IPO4: variants seen among roughly 807,000 people sequenced by gnomAD.
IPO4 encodes importin-4.
Under a neutral mutation model 133.5 loss-of-function variants are expected in IPO4, and 91 were observed. The ratio of observed to expected loss-of-function variants is 0.68; its 90% CI spans 0.58 to 0.81. IPO4 has a LOEUF of 0.81. Ranked by LOEUF, IPO4 falls within the 30% of genes least tolerant of loss-of-function variation. The probability of loss-of-function intolerance (pLI) is 0.00; values close to 1 mark genes in which losing one functional copy is unlikely to be tolerated. For missense variants in IPO4, 1,279 were observed against 1,386.2 expected, an observed-to-expected ratio of 0.92 and a Z score of 1.23; for synonymous variants, 607 against 581.6, an observed-to-expected ratio of 1.04 and a Z score of -0.63.
intron 24 of IPO4, 32 bp downstream of exon 24, chr14:24,182,760 G>A (rs185776990): frequency 5.2e-5 from 84 of 1,611,854 alleles, no homozygotes; most frequent in African/African-American, 6.7e-5. Context: ...TGCCTGGACC[G>A]CCTGGTCCCC....
In IPO4 at chr14:24,188,556, G is replaced by A; in HGVS notation, c.152C>T (p.Pro51Leu). Residue 51 changes from proline to leucine, a missense_variant, in exon 2 of 30, where the codon CCC (proline) becomes CTC (leucine). Around this residue, in one of 3 missense-constraint regions of IPO4, gnomAD observed 695 missense variants for 704.1 expected, o/e 0.99. Transcript: ENST00000354464. Reference sequence around the variant, plus strand: ...GGGGAGAGTCAGGGGTCTCACCTGGGGGTCGGCCGCCGAGGCTAGCAGGTC... The same window carrying A: ...GGGGAGAGTCAGGGGTCTCACCTGGAGGTCGGCCGCCGAGGCTAGCAGGTC... The part of the protein sequence containing the change: ...LCDLLASAAD[P>L]QIRQFAAVLT... 6.2e-7 allele frequency: 1 copy of A among 1,612,254 alleles called. No individual in the cohort carries two copies. Among genetic ancestry groups the A allele is most frequent in the Non-Finnish European group, 8.5e-7 (1 of 1,179,306 alleles).
chr14:24,181,892 C>A (rs1392932922), intron 26 of IPO4, 49 bp from the exon 27 acceptor site: 3 of 1,604,618 alleles, frequency 1.9e-6, no homozygotes, highest in Non-Finnish European at 1.7e-6. Context: ...ACCTTGCCCA[C>A]CTGCAAGCCC....
At chr14:24,180,889 C>A in intron 28 of IPO4, 131 bp from the exon 29 acceptor site, 3 of 659,292 alleles carry the variant, frequency 4.6e-6, no homozygotes, top group Non-Finnish European at 7.7e-6. Flanking sequence ...CACAGGCATC[C>A]AAGACAACTA....
At chr14:24,183,428 C>A (rs1454375322) in intron 21 of IPO4, 28 bp downstream of exon 21, 1 of 1,600,534 alleles carries the variant, frequency 6.2e-7, no homozygotes, top group South Asian at 1.1e-5. Flanking sequence ...CTGAGAACCC[C>A]ACCCACTCCA....
chr14:24,188,189 TC>T, intron 4 of IPO4, 26 bp downstream of exon 4: 1 of 1,609,398 alleles, frequency 6.2e-7, no homozygotes, highest in Non-Finnish European at 8.5e-7. Context: ...GTCGTCAAGA[TC>T]CCGAGAGAAG....
At chr14:24,188,175 C>CA (rs1314713272) in intron 4 of IPO4, 41 bp downstream of exon 4, 1 of 1,601,112 alleles carries the variant, frequency 6.2e-7, no homozygotes, top group African/African-American at 1.3e-5. Flanking sequence ...GAAACCTAGA[C>CA]AAAGTCGTCA....
chr14:24,187,467 G>A lies in IPO4; in HGVS notation c.521C>T (p.Pro174Leu), dbSNP rs1210369334. 1 of 1,614,174 alleles carries A rather than the reference G, an allele frequency of 6.2e-7. No individual in the cohort carries two copies. Among genetic ancestry groups the A allele is most frequent in the South Asian group, 1.1e-5 (1 of 91,084 alleles). ...LNETLGEVGS[P>L]GLLFYSLRTL... ...GCGCAGGGAGTAGAAGAGCAGCCCA[G>A]GAGAGCCCACCTCACCAAGAGTCTC... Residue 174 changes from proline (P) to leucine (L), a missense_variant, in exon 6 of 30, where the codon CCT becomes CTT. Physicochemically the swap from Pro to Leu is moderately conservative, Grantham distance 98. This residue lies in a region of IPO4 where 695 missense variants were observed against 704.1 expected (regional missense o/e 0.99). Transcript: ENST00000354464.
At position 24,184,883 on chromosome 14, in the gene IPO4, G is replaced by A. The variant is rs749101940; in HGVS notation, c.1506C>T (p.Ser502=). ...SSPRAKELAV[S]ALGAIATAAQ... ...TCTCCTCACCAATGGCTCCCAGGGC[G>A]CTCACAGCCAGCTCCTTGGCCCGGG... The change falls in exon 15 of 30, where the codon AGC becomes AGT. Residue 502 remains serine (S), a synonymous_variant. Transcript: ENST00000354464. 54 of 1,613,718 alleles carry A rather than the reference G, an allele frequency of 3.3e-5. No homozygotes were observed. Among genetic ancestry groups the A allele is most frequent in the South Asian group, 1.9e-4 (17 of 91,068 alleles).
intron 24 of IPO4, 152 bp from the exon 25 acceptor site, chr14:24,182,555 C>CT: frequency 8.7e-7 from 1 of 1,144,148 alleles, no homozygotes; most frequent in Non-Finnish European, 1.2e-6. Flanking sequence ...CATGACCCAG[C>CT]TTCTTCCCCT....
At chr14:24,187,225 G>C in intron 6 of IPO4, 75 bp from the exon 7 acceptor site, 2 of 1,543,158 alleles carry the variant, frequency 1.3e-6, no homozygotes, top group Non-Finnish European at 1.8e-6. Flanking sequence ...CTCACAGCCT[G>C]AATTGCGAGG....
Position 24,180,281 on chromosome 14 carries a change from A to G in IPO4, c.*161T>C. 6.5e-7 allele frequency: 1 copy of G among 1,528,396 alleles called. No homozygotes were observed. 94.7% of individuals were successfully genotyped at this position (1,528,396 alleles called of 1,614,324 possible). ...TATGATGTCATGACTCATTTGTAAC[A>G]GATCCAGCCTCAGGGACAGCCCTGT... On this transcript the variant is annotated 3_prime_UTR_variant, in exon 30 of 30. Transcript: ENST00000354464.
chr14:24,181,581 C>T lies in IPO4; in HGVS notation c.2977G>A (p.Glu993Lys). Residue 993 changes from glutamate (E) to lysine (K), a missense_variant, in exon 28 of 30, where the codon GAG becomes AAG. Around this residue, in one of 3 missense-constraint regions of IPO4, gnomAD observed 575 missense variants for 653.4 expected, o/e 0.88. Coordinates refer to ENST00000354464, the MANE Select transcript of IPO4 (RefSeq NM_024658.4). Reference protein sequence around the residue: ...AALLHALPLKEDLEEWVTIGR... With the variant: ...AALLHALPLKKDLEEWVTIGR... ...ATGGTGACCCACTCCTCCAAGTCCTCCTTCAGTGGCAGGGCATGCAGTAGG... is the reference window on the plus strand; with the variant it reads ...ATGGTGACCCACTCCTCCAAGTCCTTCTTCAGTGGCAGGGCATGCAGTAGG... 1 of 1,612,958 alleles carries T rather than the reference C, an allele frequency of 6.2e-7. No individual in the cohort carries two copies. The highest frequency in any genetic ancestry group is 8.5e-7 in the Non-Finnish European group (1 of 1,179,506).
rs764978560 is a variant in IPO4 at position 24,182,087 on chromosome 14, G to C, written c.2675C>G (p.Ala892Gly). 1 of 1,613,986 alleles carries C rather than the reference G, an allele frequency of 6.2e-7. No homozygotes were observed. Among genetic ancestry groups the C allele is most frequent in the South Asian group, 1.1e-5 (1 of 91,092 alleles). The change falls in exon 26 of 30, where the codon GCC becomes GGC. Residue 892 changes from alanine (A) to glycine (G), a missense_variant. Transcript: ENST00000354464. ...CAGCCGAGACACAAACTGGGCTGAGGCAGCACCCAGGCCCTGAATAGTCTC... is the reference window on the plus strand; with the variant it reads ...CAGCCGAGACACAAACTGGGCTGAGCCAGCACCCAGGCCCTGAATAGTCTC... Reference protein sequence around the residue: ...LAETIQGLGAASAQFVSRLLP... With the variant: ...LAETIQGLGAGSAQFVSRLLP...
chr14:24,184,030 G>A lies in IPO4; in HGVS notation c.1837C>T (p.Leu613=). Residue 613 remains leucine, a synonymous_variant, in exon 18 of 30, where the codon CTG becomes TTG. Transcript: ENST00000354464. ...PHLEQITTLM[L]LSLRSTEGIV... is the part of the protein sequence containing the mutation. ...CCCTCGGTGGAACGCAGTGACAGCA[G>A]CATGAGCGTGGTGATCTGTTCCAAG... 6 of 1,451,508 alleles carry A rather than the reference G, an allele frequency of 4.1e-6. No individual in the cohort carries two copies. Among genetic ancestry groups the A allele is most frequent in the Non-Finnish European group, 5.5e-6 (6 of 1,082,034 alleles). The allele number at this position is 1,451,508 out of a possible 1,614,324, so 89.9% of individuals were successfully genotyped here.
Position 24,186,914 on chromosome 14 carries a change from G to A in IPO4, c.720C>T (p.Thr240=), listed in dbSNP as rs750919905. ...ATGTGAGGACTTCAGAGAGGTAGGGGGTGATGACCGGCACCTCTGACTCCA... is the reference window on the plus strand; with the variant it reads ...ATGTGAGGACTTCAGAGAGGTAGGGAGTGATGACCGGCACCTCTGACTCCA... The part of the protein sequence containing the change: ...ELLESEVPVI[T]PYLSEVLTFC... The change falls in exon 8 of 30, where the codon ACC becomes ACT. Residue 240 remains threonine, a synonymous_variant. Transcript: ENST00000354464. The A allele has an allele frequency of 9.3e-6, 15 of 1,613,952 alleles. No homozygotes were observed. The highest frequency in any genetic ancestry group is 1.3e-5 in the Non-Finnish European group (15 of 1,179,998).
chr14:24,185,866 C>T lies in IPO4; in HGVS notation c.1164G>A (p.Arg388=). 1.2e-6 allele frequency: 2 copies of T among 1,612,940 alleles called. No individual in the cohort carries two copies. Among genetic ancestry groups the T allele is most frequent in the East Asian group, 2.2e-5 (1 of 44,888 alleles). ...TGGGACAGGGGAATACATACCTCTG[C>T]CTGATGTGGTCGCCAGCTCCGTCAG... ...VLSDGAGDHI[R]QRLLPPLLQI... The change falls in exon 12 of 30, where the codon AGG becomes AGA. Residue 388 remains arginine (R), a synonymous_variant. Transcript: ENST00000354464.
At chr14:24,188,136 G>C (rs2039252713) in intron 4 of IPO4, 80 bp downstream of exon 4, 6 of 1,444,690 alleles carry the variant, frequency 4.2e-6, no homozygotes, top group African/African-American at 1.4e-5. Flanking sequence ...TGCCCCACAA[G>C]TCCCAGCCTG....
intron 20 of IPO4, 35 bp from the exon 21 acceptor site, chr14:24,183,548 C>T (rs764460349): frequency 6.2e-7 from 1 of 1,614,112 alleles, no homozygotes; most frequent in Non-Finnish European, 8.5e-7. Context: ...GTAAGGGGCC[C>T]CCAGGCAGGG....
chr14:24,183,105 T>C lies in IPO4; in HGVS notation c.2292A>G (p.Glu764=). ...CCAGCACGGCCATCACCACCTGGCGTTCCCGCTCCCTGTTCACTGCCTGCA... is the reference window on the plus strand; with the variant it reads ...CCAGCACGGCCATCACCACCTGGCGCTCCCGCTCCCTGTTCACTGCCTGCA... ...SYMQAVNRER[E]RQVVMAVLEA... The change falls in exon 23 of 30, where the codon GAA becomes GAG. Residue 764 remains glutamate (E), a synonymous_variant. Transcript: ENST00000354464. 2 of 1,613,812 alleles carry C rather than the reference T, an allele frequency of 1.2e-6. No homozygotes were observed. The highest frequency in any genetic ancestry group is 1.7e-6 in the Non-Finnish European group (2 of 1,180,008).
Sources: allele counts gnomAD v4.1 joint callset, GRCh38; gene constraint gnomAD v4.1.1; regional missense constraint gnomAD v4.1.1; transcripts MANE v1.5; gene names NCBI Gene and HGNC (gene_info 2026-07-23, HGNC 2026-07-21).